Variants in PTGES3 observed in about 807,000 individuals in gnomAD.
The protein encoded by PTGES3 is Hsp90 co-chaperone.
In PTGES3, 5 loss-of-function variants were observed where a neutral mutation model predicts 29.9. The observed-to-expected ratio is 0.17, with a 90% CI of 0.09 to 0.35. The LOEUF is 0.35. Ranked by LOEUF, PTGES3 falls within the 10% of genes least tolerant of loss-of-function variation. The probability of loss-of-function intolerance (pLI) is 1.00; values close to 1 mark genes in which losing one functional copy is unlikely to be tolerated. For synonymous variants in PTGES3, 49 were observed against 57.8 expected, an observed-to-expected ratio of 0.85 and a Z score of 0.69; for missense variants, 128 against 190.0, an observed-to-expected ratio of 0.67 and a Z score of 1.92.
intron 1 of PTGES3, among the ~76,000 whole-genome samples, chr12:56,686,149 A>C (rs1394521138): frequency 6.6e-6 from 1 of 152,068 alleles, no homozygotes; most frequent in Non-Finnish European, 1.5e-5. Flanking sequence ...TAAATATCTC[A>C]TGTGGCCTCC....
chr12:56,668,000 T>C (rs1195482266), intron 5 of PTGES3, among the ~76,000 whole-genome samples: 1 of 151,996 alleles, frequency 6.6e-6, no homozygotes, highest in Admixed American at 6.6e-5. Flanking sequence ...CCCAGCTACT[T>C]GGGAGGCTGA....
At chr12:56,685,588 G>C (rs1159479832) in intron 1 of PTGES3, among the ~76,000 whole-genome samples, 1 of 150,032 alleles carries the variant, frequency 6.7e-6, no homozygotes, top group Non-Finnish European at 1.5e-5. Flanking sequence ...TTTTAGTAGA[G>C]ACGGGGTTTC....
At position 56,670,309 on chromosome 12, in the gene PTGES3, T is replaced by A; in HGVS notation, c.341A>T (p.Asp114Val). ...ACGATCAAAATTAGACATGTCTTCA[T>A]CTGAATCATCTTCCCAGTCTTTCCA... ...NNWKDWEDDS[D>V]EDMSNFDRFS... The change falls in exon 5 of 8, where the codon GAT (aspartate) becomes GTT (valine). Residue 114 changes from aspartate to valine, a missense_variant. Coordinates refer to ENST00000262033, the MANE Select transcript of PTGES3 (RefSeq NM_006601.7). The A allele has an allele frequency of 6.2e-7, 1 of 1,613,676 alleles. No individual in the cohort carries two copies. The highest frequency in any genetic ancestry group is 1.1e-5 in the South Asian group (1 of 91,070).
chr12:56,684,665 ATT>A (rs1565879151), intron 1 of PTGES3, among the ~76,000 whole-genome samples: 1 of 152,138 alleles, frequency 6.6e-6, no homozygotes, highest in African/African-American at 2.4e-5. Context: ...CTTTTTCTCT[ATT>A]TTTAATCGGT....
intron 1 of PTGES3, among the ~76,000 whole-genome samples, chr12:56,681,523 G>A (rs576584260): frequency 1.0e-3 from 108 of 105,028 alleles, no homozygotes; most frequent in African/African-American, 3.8e-3. Flanking sequence ...GGGCAACAGA[G>A]TGAGACTCCA....
chr12:56,671,103 TAA>T (rs201901653), intron 4 of PTGES3, among the ~76,000 whole-genome samples: 2 of 149,454 alleles, frequency 1.3e-5, no homozygotes, highest in African/African-American at 5.0e-5. Flanking sequence ...TGAGACTACC[TAA>T]AAAAAAAGAC....
chr12:56,679,630 CTAAAGT>C (rs1473909011), intron 1 of PTGES3, among the ~76,000 whole-genome samples: 1 of 152,002 alleles, frequency 6.6e-6, no homozygotes, highest in Non-Finnish European at 1.5e-5. Flanking sequence ...AGTTTAGAAG[CTAAAGT>C]TAAAGCTAAA....
chr12:56,671,528 G>A (rs1952006254), intron 4 of PTGES3, among the ~76,000 whole-genome samples: 1 of 152,132 alleles, frequency 6.6e-6, no homozygotes, highest in Non-Finnish European at 1.5e-5. Flanking sequence ...AGTAATTTAT[G>A]CAAAGTCTGT....
At chr12:56,666,181 G>C in intron 6 of PTGES3, 23 bp downstream of exon 6, 1 of 1,595,616 alleles carries the variant, frequency 6.3e-7, no homozygotes, top group Non-Finnish European at 8.5e-7. Context: ...AAAGTAAACA[G>C]AAAAAAGAAT....
chr12:56,680,578 A>T (rs1404110765), intron 1 of PTGES3, among the ~76,000 whole-genome samples: 1 of 151,326 alleles, frequency 6.6e-6, no homozygotes. Context: ...ATGGGGTTTC[A>T]CCACGCTGGT....
At chr12:56,687,930 TC>T (rs908812050) in intron 1 of PTGES3, 67 bp downstream of exon 1, 233 of 1,604,450 alleles carry the variant, frequency 1.5e-4, no homozygotes, top group Non-Finnish European at 1.8e-4. Context: ...GGGGGCCGCT[TC>T]CAGGGAGCCC....
At chr12:56,665,764 A>T in intron 6 of PTGES3, 1 of 683,612 alleles carries the variant, frequency 1.5e-6, no homozygotes, top group Non-Finnish European at 1.8e-6. Context: ...ACCTCAGCTC[A>T]CCAGTAGCTG....
intron 6 of PTGES3, chr12:56,665,375 A>G: frequency 1.1e-6 from 1 of 903,638 alleles, no homozygotes; most frequent in Non-Finnish European, 1.3e-6. Flanking sequence ...GCTCACTGCA[A>G]CCTCTGCCTC....
At chr12:56,667,285 T>C (rs909599996) in intron 5 of PTGES3, among the ~76,000 whole-genome samples, 1 of 152,232 alleles carries the variant, frequency 6.6e-6, no homozygotes, top group Non-Finnish European at 1.5e-5. Flanking sequence ...TAAACTATTA[T>C]CAGATGATGA....
chr12:56,677,597 T>C (rs1172188484), intron 1 of PTGES3, among the ~76,000 whole-genome samples: 2 of 152,186 alleles, frequency 1.3e-5, no homozygotes, highest in Non-Finnish European at 2.9e-5. Flanking sequence ...GGCTTTTGGA[T>C]ACTATATAAC....
At chr12:56,684,129 G>A (rs914083120) in intron 1 of PTGES3, among the ~76,000 whole-genome samples, 52 of 152,158 alleles carry the variant, frequency 3.4e-4, no homozygotes, top group South Asian at 1.2e-3. Flanking sequence ...AGCGAGATTG[G>A]TTCTGAACAG....
chr12:56,669,428 C>T (rs1017990926), intron 5 of PTGES3, among the ~76,000 whole-genome samples: 5 of 152,154 alleles, frequency 3.3e-5, no homozygotes, highest in Admixed American at 6.6e-5. Context: ...AGATTACAGG[C>T]GCCCGCCACT....
intron 5 of PTGES3, among the ~76,000 whole-genome samples, chr12:56,667,653 A>G (rs1010312359): frequency 5.3e-5 from 8 of 152,240 alleles, no homozygotes; most frequent in African/African-American, 1.9e-4. Flanking sequence ...AAAAATAGAG[A>G]GTAGAATGGT....
At chr12:56,672,505 A>G (rs1952044944) in intron 3 of PTGES3, among the ~76,000 whole-genome samples, 1 of 152,164 alleles carries the variant, frequency 6.6e-6, no homozygotes, top group Non-Finnish European at 1.5e-5. Flanking sequence ...AAAAAACAAA[A>G]CAAATAAAAA....
Sources: gnomAD v4.1 joint callset for allele counts (sites outside exome capture counted in the v4.1 genomes callset) on GRCh38, gnomAD v4.1.1 for gene constraint, MANE v1.5 for transcripts, NCBI Gene and HGNC (gene_info 2026-07-23, HGNC 2026-07-21) for gene names.